FLACC1: variants seen among roughly 807,000 people sequenced by gnomAD.
FLACC1 encodes flagellum associated containing coiled-coil domains 1, also known as flagellum-associated coiled-coil domain-containing protein 1.
Under a neutral mutation model 62.8 loss-of-function variants are expected in FLACC1, and 66 were observed. The ratio of observed to expected loss-of-function variants is 1.05; its 90% confidence interval spans 0.86 to 1.29. The LOEUF (loss-of-function observed/expected upper bound fraction) is 1.29, where lower values mean the gene tolerates loss of function less well. Ranked by LOEUF, FLACC1 falls within the 50% of genes most tolerant of loss-of-function variation. FLACC1 has a pLI of 0.00. For missense variants in FLACC1, 452 were observed against 489.1 expected (o/e 0.92, Z 0.71); for synonymous variants, 156 against 161.0 (o/e 0.97, Z 0.24).
In FLACC1 at chr2:201,288,800, G is replaced by T. The variant is rs770987224; in HGVS notation, c.1143-19C>A. On this transcript the variant is annotated intron_variant, in intron 14 of 14. Transcript: ENST00000392257. ...CTTTTGCCTGTAAAAAGAAAGGAAA[G>T]ATGTATCAATGTCAACTCAAAAGCT... 3.1e-6 allele frequency: 5 copies of T among 1,611,034 alleles called. No individual in the cohort carries two copies. In the South Asian group the frequency reaches 3.3e-5, roughly 11 times the overall value.
intron 1 of FLACC1, among the ~76,000 whole-genome samples, chr2:201,356,042 G>A (rs16837205): frequency 6.6e-6 from 1 of 152,136 alleles, no homozygotes; most frequent in African/African-American, 2.4e-5. Context: ...CTTAGTTGCT[G>A]AATCATGAGG....
chr2:201,313,059 G>C lies in FLACC1; in HGVS notation c.676-3809C>G, dbSNP rs904978737. On this transcript the variant is annotated intron_variant, in intron 9 of 14. Transcript: ENST00000392257. ...TAAAGGAAGTAGCAGGAAAAGCCCT[G>C]TGGGCTCTCTGGGTTCCCAGGGATG... Among the ~76,000 whole-genome samples the C allele has an allele frequency of 3.3e-5, 5 of 152,346 alleles. No homozygotes were observed. In the East Asian group the frequency reaches 9.6e-4, roughly 29 times the overall value.
At chr2:201,290,962 G>T (rs1233499209) in intron 12 of FLACC1, among the ~76,000 whole-genome samples, 1 of 152,218 alleles carries the variant, frequency 6.6e-6, no homozygotes, top group Non-Finnish European at 1.5e-5. Context: ...AAACTGCGAG[G>T]TGGCAGTGAG....
At chr2:201,344,344 G>T in intron 5 of FLACC1, 81 bp from the exon 6 acceptor site, 1 of 1,213,468 alleles carries the variant, frequency 8.2e-7, no homozygotes, top group Non-Finnish European at 1.2e-6. Context: ...ACTGACTCTG[G>T]CATGGTGAGA....
upstream of FLACC1, among the ~76,000 whole-genome samples, chr2:201,358,697 G>A (rs1193992621): frequency 3.9e-5 from 6 of 152,060 alleles, no homozygotes; most frequent in Admixed American, 1.3e-4. Context: ...GATTACAGGC[G>A]TGAGCCACTG....
chr2:201,358,375 T>A (rs1439050344), upstream of FLACC1, among the ~76,000 whole-genome samples: 2 of 151,378 alleles, frequency 1.3e-5, no homozygotes, highest in Non-Finnish European at 2.9e-5. Context: ...CCCAAGTAGA[T>A]GGGACTACAC....
At chr2:201,323,175 A>T (rs1035493524) in intron 9 of FLACC1, among the ~76,000 whole-genome samples, 1 of 152,244 alleles carries the variant, frequency 6.6e-6, no homozygotes, top group African/African-American at 2.4e-5. Context: ...TATTTCAGGG[A>T]ATAATTGAGG....
the FLACC1 span, among the ~76,000 whole-genome samples, chr2:201,362,849 G>C: frequency 6.6e-6 from 1 of 151,978 alleles, no homozygotes; most frequent in Non-Finnish European, 1.5e-5. Context: ...TCTGGCTTAG[G>C]GTAGGAGTCT....
chr2:201,291,746 C>T (rs953562613), intron 12 of FLACC1, among the ~76,000 whole-genome samples: 19 of 152,128 alleles, frequency 1.2e-4, no homozygotes, highest in Non-Finnish European at 1.2e-4. Context: ...GGAGAAAGTT[C>T]GAACTCATGG....
Position 201,338,172 on chromosome 2 carries a change from T to A in FLACC1, c.524+4198A>T, listed in dbSNP as rs1016574254. The stretch of plus-strand genomic sequence containing the variant: ...TTTTATGCTTTGTAGCCAGTGTAAA[T>A]GTTATTGCCTTATTGATTTCTCTTT... On this transcript the variant is annotated intron_variant, in intron 7 of 14. Coordinates refer to ENST00000392257, the MANE Select transcript of FLACC1 (RefSeq NM_001127391.3). 1.1e-4 allele frequency among the ~76,000 whole-genome samples: 17 copies of A among 152,366 alleles called. No individual in the cohort carries two copies. The South Asian group carries it at 3.5e-3, about 32-fold the overall frequency.
chr2:201,304,292 C>A (rs1348770282), intron 11 of FLACC1, among the ~76,000 whole-genome samples: 2 of 152,034 alleles, frequency 1.3e-5, no homozygotes, highest in African/African-American at 4.8e-5. Context: ...CAATAACAGA[C>A]AAACAGAGAG....
At chr2:201,319,666 CA>C (rs1394146860) in intron 9 of FLACC1, among the ~76,000 whole-genome samples, 1 of 152,084 alleles carries the variant, frequency 6.6e-6, no homozygotes, top group Non-Finnish European at 1.5e-5. Context: ...ATTGAACAAG[CA>C]AAAAACAACC....
At chr2:201,320,264 G>A (rs980221832) in intron 9 of FLACC1, among the ~76,000 whole-genome samples, 7 of 152,226 alleles carry the variant, frequency 4.6e-5, no homozygotes, top group Non-Finnish European at 1.0e-4. Flanking sequence ...AACCTTAGGT[G>A]CGGATGAACT....
intron 12 of FLACC1, among the ~76,000 whole-genome samples, chr2:201,290,964 G>A (rs1026686718): frequency 6.6e-6 from 1 of 152,188 alleles, no homozygotes; most frequent in Admixed American, 6.5e-5. Context: ...ACTGCGAGGT[G>A]GCAGTGAGGC....
chr2:201,348,382 C>T, intron 3 of FLACC1, 80 bp from the exon 4 acceptor site: 2 of 1,433,640 alleles, frequency 1.4e-6, no homozygotes, highest in South Asian at 1.2e-5. Context: ...CCTGAGGCCG[C>T]CACCATCTGA....
chr2:201,291,348 C>G (rs1050602562), intron 12 of FLACC1, among the ~76,000 whole-genome samples: 2 of 152,236 alleles, frequency 1.3e-5, no homozygotes, highest in African/African-American at 4.8e-5. Flanking sequence ...AACAATCAGA[C>G]AGCAACATTT....
At chr2:201,307,119 T>G (rs2125559897) in intron 11 of FLACC1, among the ~76,000 whole-genome samples, 1 of 152,328 alleles carries the variant, frequency 6.6e-6, no homozygotes, top group East Asian at 1.9e-4. Context: ...AAATAAGTTT[T>G]GGCAAGTTCC....
intron 12 of FLACC1, among the ~76,000 whole-genome samples, chr2:201,298,685 T>G (rs1004687934): frequency 2.6e-5 from 4 of 152,248 alleles, no homozygotes; most frequent in African/African-American, 9.6e-5. Flanking sequence ...TAATGTTTTC[T>G]CAAACGTGTC....
intron 7 of FLACC1, among the ~76,000 whole-genome samples, chr2:201,340,144 T>C (rs1326286851): frequency 6.6e-6 from 1 of 152,194 alleles, no homozygotes; most frequent in African/African-American, 2.4e-5. Flanking sequence ...CATGAGTCTC[T>C]TGTAGGCAGC....
Sources: allele counts gnomAD v4.1 joint callset (sites outside exome capture counted in the v4.1 genomes callset), GRCh38; gene constraint gnomAD v4.1.1; transcripts MANE v1.5; gene names NCBI Gene and HGNC (gene_info 2026-07-23, HGNC 2026-07-21).